The following ZFHX3 variants were observed in gnomAD, a reference collection of about 807,000 sequenced individuals.
The protein encoded by ZFHX3 is zinc finger homeobox protein 3.
ZFHX3 carries 42 observed loss-of-function variants against 279.1 expected under a neutral mutation model. The observed-to-expected ratio is 0.15, with a 90% CI of 0.12 to 0.19. The LOEUF (loss-of-function observed/expected upper bound fraction) is 0.19. Ranked by LOEUF, ZFHX3 falls within the 10% of genes least tolerant of loss-of-function variation. The probability of loss-of-function intolerance (pLI) is 1.00; values close to 1 mark genes in which losing one functional copy is unlikely to be tolerated. For missense variants in ZFHX3, 4,981 were observed against 4,754.0 expected, an observed-to-expected ratio of 1.05 and a Z score of -1.40; for synonymous variants, 2,293 against 1,957.8, an observed-to-expected ratio of 1.17 and a Z score of -4.52.
At chr16:72,849,160 G>A (rs1409526123) in intron 4 of ZFHX3, among the ~76,000 whole-genome samples, 1 of 152,218 alleles carries the variant, frequency 6.6e-6, no homozygotes, top group Non-Finnish European at 1.5e-5. Context: ...CAGTGCGTGT[G>A]AGCCACTGAC....
At chr16:73,468,498 G>A (rs1427269125) in intron 2 of ZFHX3, among the ~76,000 whole-genome samples, 1 of 152,152 alleles carries the variant, frequency 6.6e-6, no homozygotes, top group Non-Finnish European at 1.5e-5. Flanking sequence ...CACTTTGGGA[G>A]GCCCAGACAG....
At chr16:73,682,898 GAAAGAAAGAGAAAGAAAGAGAGAA>G (rs2053030330) in intron 1 of ZFHX3, among the ~76,000 whole-genome samples, 3 of 50,744 alleles carry the variant, frequency 5.9e-5, no homozygotes, top group Admixed American at 4.3e-4. Context: ...AAGAAAGAAA[GAAAGAAAGAGAAAGAAAGAGAGAA>G]AGAGAAAGAA....
intron 1 of ZFHX3, among the ~76,000 whole-genome samples, chr16:73,008,154 T>C (rs1963782420): frequency 6.6e-6 from 1 of 152,200 alleles, no homozygotes; most frequent in South Asian, 2.1e-4. Flanking sequence ...CTTTCCAAGT[T>C]TGAGTTGAAT....
At chr16:73,618,900 A>T (rs561539962) in intron 2 of ZFHX3, among the ~76,000 whole-genome samples, 1 of 152,302 alleles carries the variant, frequency 6.6e-6, no homozygotes, top group African/African-American at 2.4e-5. Context: ...CTAATTTGTG[A>T]CAAGGGGCAT....
chr16:72,854,450 A>G (rs2037698687), intron 4 of ZFHX3, among the ~76,000 whole-genome samples: 1 of 152,168 alleles, frequency 6.6e-6, no homozygotes, highest in Non-Finnish European at 1.5e-5. Flanking sequence ...GAAGGCTTAA[A>G]GAATGGGGAA....
At chr16:73,848,675 C>G (rs1961513412) in intron 1 of ZFHX3, among the ~76,000 whole-genome samples, 1 of 152,196 alleles carries the variant, frequency 6.6e-6, no homozygotes, top group Non-Finnish European at 1.5e-5. Flanking sequence ...ACCATCTAAT[C>G]AAATCACCTC....
chr16:73,203,762 A>G (rs959926301), intron 5 of ZFHX3, among the ~76,000 whole-genome samples: 22 of 152,224 alleles, frequency 1.4e-4, no homozygotes, highest in African/African-American at 4.6e-4. Flanking sequence ...AGGCTGTACT[A>G]AGAGACTTAT....
intron 5 of ZFHX3, among the ~76,000 whole-genome samples, chr16:72,824,241 G>A (rs547553368): frequency 9.2e-5 from 14 of 152,268 alleles, no homozygotes; most frequent in African/African-American, 3.4e-4. Context: ...ATGCCTGCCA[G>A]CACCATATTC....
chr16:72,926,400 G>A lies in ZFHX3; in HGVS notation c.3216+24069C>T, dbSNP rs145236955. Among the ~76,000 whole-genome samples the A allele has an allele frequency of 2.7e-3, 414 of 152,234 alleles. 1 individual carries two copies. The highest frequency in any genetic ancestry group is 3.4e-3 in the Middle Eastern group (1 of 294). ...ATGGAAGAGGTGAAAGAGCTACAGCGACTCCACTTTCCAAACACTTGTGTG... is the reference window on the plus strand; with the variant it reads ...ATGGAAGAGGTGAAAGAGCTACAGCAACTCCACTTTCCAAACACTTGTGTG... On this transcript the variant is annotated intron_variant, in intron 3 of 9. Coordinates refer to ENST00000268489, the MANE Select transcript of ZFHX3 (RefSeq NM_006885.4).
intron 1 of ZFHX3, among the ~76,000 whole-genome samples, chr16:73,710,847 A>G (rs916574457): frequency 1.3e-5 from 2 of 152,078 alleles, no homozygotes; most frequent in East Asian, 1.9e-4. Context: ...TTACTGGTCA[A>G]TTTGGGTTTC....
chr16:73,303,205 T>G (rs1022367632), intron 4 of ZFHX3, among the ~76,000 whole-genome samples: 1 of 152,004 alleles, frequency 6.6e-6, no homozygotes, highest in African/African-American at 2.4e-5. Flanking sequence ...AGTTTTAAAT[T>G]TTATTAGGGA....
chr16:73,152,290 T>C (rs2144846973), intron 5 of ZFHX3, among the ~76,000 whole-genome samples: 1 of 152,354 alleles, frequency 6.6e-6, no homozygotes, highest in Non-Finnish European at 1.5e-5. Context: ...TATTCCCAGC[T>C]GTCAGAGACG....
intron 3 of ZFHX3, among the ~76,000 whole-genome samples, chr16:73,339,690 G>A (rs1444202756): frequency 6.6e-6 from 1 of 152,262 alleles, no homozygotes. Flanking sequence ...AAGAGTAGGA[G>A]GCCTATGGTA....
chr16:73,437,692 A>G (rs2018020223), intron 3 of ZFHX3, among the ~76,000 whole-genome samples: 1 of 152,158 alleles, frequency 6.6e-6, no homozygotes, highest in African/African-American at 2.4e-5. Flanking sequence ...CATAAATGAC[A>G]TAATTATTAT....
intron 4 of ZFHX3, among the ~76,000 whole-genome samples, chr16:72,853,728 G>A (rs2037675788): frequency 6.6e-6 from 1 of 152,168 alleles, no homozygotes; most frequent in South Asian, 2.1e-4. Context: ...GATTCAGGAG[G>A]GCGGGGAAGG....
intron 3 of ZFHX3, among the ~76,000 whole-genome samples, chr16:73,448,684 A>AAGTGTGTGTGTGTG (rs1567487516): frequency 1.9e-4 from 13 of 66,892 alleles, no homozygotes; most frequent in Admixed American, 7.3e-4. Context: ...ATATTTATAT[A>AAGTGTGTGTGTGTG]CGTGTGTGTG....
At chr16:73,705,918 G>A (rs1016240758) in intron 1 of ZFHX3, among the ~76,000 whole-genome samples, 4 of 152,048 alleles carry the variant, frequency 2.6e-5, no homozygotes, top group African/African-American at 4.8e-5. Flanking sequence ...GTAATGGTCC[G>A]ACTCTTGTTA....
intron 2 of ZFHX3, among the ~76,000 whole-genome samples, chr16:73,481,281 A>G (rs952009980): frequency 1.8e-4 from 27 of 151,760 alleles, no homozygotes; most frequent in African/African-American, 6.1e-4. Context: ...GTGAGCTGAG[A>G]TCGCATCACT....
At chr16:73,560,394 T>A (rs561023798) in intron 2 of ZFHX3, among the ~76,000 whole-genome samples, 13 of 152,316 alleles carry the variant, frequency 8.5e-5, no homozygotes, top group African/African-American at 3.1e-4. Flanking sequence ...CGCCATTTTA[T>A]CCTAAAGACA....
Sources: allele counts gnomAD v4.1 joint callset (sites outside exome capture counted in the v4.1 genomes callset), GRCh38; gene constraint gnomAD v4.1.1; transcripts MANE v1.5; gene names NCBI Gene and HGNC (gene_info 2026-07-23, HGNC 2026-07-21).